UBAC2: variants seen among roughly 807,000 people sequenced by gnomAD.
UBAC2 encodes UBA domain containing 2, also known as ubiquitin-associated domain-containing protein 2.
A neutral mutation model predicts 44.0 loss-of-function variants in UBAC2; 26 were observed. The ratio of observed to expected loss-of-function variants is 0.59; its 90% CI spans 0.43 to 0.82. The LOEUF (loss-of-function observed/expected upper bound fraction) is 0.82. Among genes scored for constraint, UBAC2 ranks in the 40% least tolerant of loss-of-function variants. The probability of loss-of-function intolerance (pLI) is 0.00; values close to 1 mark genes in which losing one functional copy is unlikely to be tolerated. For synonymous variants in UBAC2, 155 were observed against 154.3 expected (o/e 1.00, Z -0.04); for missense variants, 329 against 419.4 (o/e 0.78, Z 1.88).
chr13:99,259,485 C>T (rs1284551919), intron 4 of UBAC2, among the ~76,000 whole-genome samples: 1 of 152,050 alleles, frequency 6.6e-6, no homozygotes, highest in Non-Finnish European at 1.5e-5. Flanking sequence ...TGGAGACAAC[C>T]ATAGCAACTA....
chr13:99,340,586 TA>T (rs752992246), intron 7 of UBAC2, 21 bp downstream of exon 7: 1 of 1,597,566 alleles, frequency 6.3e-7, no homozygotes, highest in South Asian at 1.1e-5. Context: ...TAATAATCAC[TA>T]AAAATTTAGA....
At chr13:99,355,947 G>T (rs1349324820) in intron 7 of UBAC2, among the ~76,000 whole-genome samples, 1 of 152,250 alleles carries the variant, frequency 6.6e-6, no homozygotes, top group African/African-American at 2.4e-5. Context: ...GCTGGGAGCC[G>T]TGCTTTGTTG....
chr13:99,283,006 A>T (rs994017131), intron 4 of UBAC2, among the ~76,000 whole-genome samples: 5 of 152,202 alleles, frequency 3.3e-5, no homozygotes. Flanking sequence ...TTTTGGCTGG[A>T]TTGTTAGTTG....
At chr13:99,356,002 G>A (rs1343058792) in intron 7 of UBAC2, 1 of 388,584 alleles carries the variant, frequency 2.6e-6, no homozygotes, top group African/African-American at 2.0e-5. Context: ...AGCTGCTGTT[G>A]AAACCAACTG....
chr13:99,258,759 G>A (rs1231432800), intron 4 of UBAC2, among the ~76,000 whole-genome samples: 1 of 152,112 alleles, frequency 6.6e-6, no homozygotes, highest in Non-Finnish European at 1.5e-5. Context: ...TAGGATTGTA[G>A]GGGCCCTAAA....
intron 7 of UBAC2, among the ~76,000 whole-genome samples, chr13:99,358,024 C>T (rs755425766): frequency 5.3e-5 from 8 of 152,112 alleles, no homozygotes; most frequent in Non-Finnish European, 1.0e-4. Context: ...AGATTCAGGC[C>T]GGTTAGCCTG....
chr13:99,232,399 G>GAGATATATATATATATATAT lies in UBAC2; in HGVS notation c.32-6027_32-6026insGATATATATATATATATATA, dbSNP rs1367302629. 3.6e-3 allele frequency among the ~76,000 whole-genome samples: 393 copies of GAGATATATATATATATATAT among 109,910 alleles called. 9 individuals carry two copies. Among genetic ancestry groups the GAGATATATATATATATATAT allele is most frequent in the Non-Finnish European group, 5.8e-3 (275 of 47,218 alleles). 72.1% of individuals were successfully genotyped at this position (109,910 alleles called of 152,430 possible). ...AGACCCTGTCCATCCTTAGTTGAGA[G>GAGATATATATATATATATAT]ATATAGATATATATATATATATTCA... On this transcript the variant is annotated intron_variant, in intron 1 of 8. Transcript: ENST00000403766.
intron 7 of UBAC2, among the ~76,000 whole-genome samples, chr13:99,366,678 C>T (rs1432126194): frequency 6.6e-6 from 1 of 151,874 alleles, no homozygotes; most frequent in Non-Finnish European, 1.5e-5. Context: ...AAGATTGTAT[C>T]TTTAGACAGA....
chr13:99,233,326 T>G, intron 1 of UBAC2, among the ~76,000 whole-genome samples: 1 of 152,132 alleles, frequency 6.6e-6, no homozygotes, highest in East Asian at 1.9e-4. Flanking sequence ...TTGGCCAGGC[T>G]GGTCTTGAAC....
At chr13:99,357,349 T>G (rs75879053) in intron 7 of UBAC2, among the ~76,000 whole-genome samples, 2 of 152,186 alleles carry the variant, frequency 1.3e-5, no homozygotes, top group Admixed American at 1.3e-4. Context: ...GACTACAGTT[T>G]TAAGTCTAAC....
intron 6 of UBAC2, among the ~76,000 whole-genome samples, chr13:99,330,664 T>G (rs2044704761): frequency 6.6e-6 from 1 of 152,046 alleles, no homozygotes; most frequent in Non-Finnish European, 1.5e-5. Context: ...TTTTTCTTTA[T>G]TATACTAGCT....
At chr13:99,383,681 C>G (rs145938475) in intron 8 of UBAC2, among the ~76,000 whole-genome samples, 110 of 152,390 alleles carry the variant, frequency 7.2e-4, no homozygotes, top group African/African-American at 2.5e-3. Flanking sequence ...GAGGAGCACG[C>G]TCACTGCGTG....
intron 4 of UBAC2, among the ~76,000 whole-genome samples, chr13:99,264,768 G>A (rs549747603): frequency 9.2e-5 from 14 of 152,270 alleles, no homozygotes; most frequent in East Asian, 5.8e-4. Context: ...CTGAATTTCT[G>A]TAGGACTGTG....
intron 4 of UBAC2, among the ~76,000 whole-genome samples, chr13:99,274,206 T>C (rs987375301): frequency 6.6e-6 from 1 of 152,196 alleles, no homozygotes; most frequent in Non-Finnish European, 1.5e-5. Context: ...GACTCTTCTG[T>C]ATCTTGCTTA....
chr13:99,376,891 C>CT (rs1236741223), intron 8 of UBAC2: 1 of 152,174 alleles, frequency 6.6e-6, no homozygotes, highest in African/African-American at 2.4e-5. Context: ...TAGAAAATTT[C>CT]TTTGAGACAT....
At chr13:99,368,686 A>AGTGTGTGTGTGTGTGTGTGT (rs1284291833) in intron 8 of UBAC2, among the ~76,000 whole-genome samples, 1 of 82,504 alleles carries the variant, frequency 1.2e-5, no homozygotes, top group African/African-American at 4.0e-5. Context: ...AACTCATGAG[A>AGTGTGTGTGTGTGTGTGTGT]GAGTGTGTGT....
At chr13:99,236,271 C>T (rs2043231981) in intron 1 of UBAC2, among the ~76,000 whole-genome samples, 1 of 152,156 alleles carries the variant, frequency 6.6e-6, no homozygotes, top group African/African-American at 2.4e-5. Context: ...AGATAACCCA[C>T]AGAATGGGAG....
At chr13:99,325,178 C>T (rs1276221816) in intron 6 of UBAC2, among the ~76,000 whole-genome samples, 1 of 149,590 alleles carries the variant, frequency 6.7e-6, no homozygotes, top group African/African-American at 2.4e-5. Flanking sequence ...TCTTGGTTCA[C>T]CGCAAGCTCC....
chr13:99,258,438 TG>T (rs2043606780), intron 4 of UBAC2: 2 of 152,182 alleles, frequency 1.3e-5, no homozygotes, highest in Admixed American at 1.3e-4. Context: ...TTACCCTGGA[TG>T]TGGTTTTTCT....
Sources: allele counts gnomAD v4.1 joint callset (sites outside exome capture counted in the v4.1 genomes callset), GRCh38; gene constraint gnomAD v4.1.1; transcripts MANE v1.5; gene names NCBI Gene and HGNC (gene_info 2026-07-23, HGNC 2026-07-21).